Variants in RAB41 observed in about 807,000 individuals in gnomAD.
RAB41 encodes the protein ras-related protein Rab-41.
Under a neutral mutation model 19.0 loss-of-function variants are expected in RAB41, and 15 were observed. The ratio of observed to expected loss-of-function variants is 0.79; its 90% confidence interval spans 0.53 to 1.21. The LOEUF (loss-of-function observed/expected upper bound fraction) is 1.21, where lower values mean the gene tolerates loss of function less well. Among genes scored for constraint, RAB41 ranks in the 50% most tolerant of loss-of-function variants. The pLI, the probability that RAB41 is intolerant of heterozygous loss-of-function variation, is 0.00. For synonymous variants in RAB41, 73 were observed against 64.7 expected, an observed-to-expected ratio of 1.13 and a Z score of -0.62; for missense variants, 177 against 179.7, an observed-to-expected ratio of 0.99 and a Z score of 0.09.
Position 70,282,537 on chromosome X carries a change from G to T in RAB41, c.129G>T (p.Gly43=). ...GCCTGCTTATCTCCCTCACAGTAGG[G>T]AAGACATCCATCATCAGCCGCTTCA... ...KLLFLGEQSV[G]KTSIISRFMY... Residue 43 remains glycine, a synonymous_variant, in exon 2 of 8, where the codon GGG becomes GGT. Transcript: ENST00000374473. The T allele has an allele frequency of 8.3e-7, 1 of 1,210,991 alleles. No individual in the cohort carries two copies. The highest frequency in any genetic ancestry group is 1.1e-6 in the Non-Finnish European group (1 of 894,934).
At chrX:70,282,436 G>A in intron 1 of RAB41, 95 bp downstream of exon 1, 6 of 1,171,767 alleles carry the variant, frequency 5.1e-6, no homozygotes, top group Non-Finnish European at 4.6e-6. Flanking sequence ...TCCTCGTTGG[G>A]AAAGATTGGA....
chrX:70,283,800 G>A (rs1569224666), intron 5 of RAB41, 150 bp from the exon 6 acceptor site: 1 of 521,244 alleles, frequency 1.9e-6, no homozygotes, highest in East Asian at 3.6e-5. Context: ...TATGTTGGGG[G>A]TATAGGAGAG....
chrX:70,282,619 C>T lies in RAB41; in HGVS notation c.183+28C>T, dbSNP rs751138387. 7 of 1,184,529 alleles carry T rather than the reference C, an allele frequency of 5.9e-6. No individual in the cohort carries two copies. The South Asian group carries it at 1.2e-4, about 21-fold the overall frequency. Reference sequence around the variant, plus strand: ...AAGACCACCACCGAGTCATATGGTACATTTTTGCCACTCTTCTTGGCGGAC... The same window carrying T: ...AAGACCACCACCGAGTCATATGGTATATTTTTGCCACTCTTCTTGGCGGAC... On this transcript the variant is annotated intron_variant, in intron 2 of 7. Transcript: ENST00000374473.
rs748823170 is a variant in RAB41 at position 70,284,250 on chromosome X, TCA to T, written c.550-3_550-2del. 59 of 1,067,754 alleles carry T rather than the reference TCA, an allele frequency of 5.5e-5. No individual in the cohort carries two copies. Among genetic ancestry groups the T allele is most frequent in the Admixed American group, 4.1e-4 (16 of 39,019 alleles). 88.0% of individuals were successfully genotyped at this position (1,067,754 alleles called of 1,213,427 possible). The stretch of plus-strand genomic sequence containing the variant: ...CCCTTTTTTTTTTTTTGGTCCCCAT[TCA>T]CACACACACACAGCTGTTCCGGCGT... On this transcript the variant is annotated splice_polypyrimidine_tract_variant and intron_variant, in intron 6 of 7. Transcript: ENST00000374473.
In RAB41 at chrX:70,284,006, T is replaced by C; in HGVS notation, c.512T>C (p.Ile171Thr). ...EKSRNLNVMF[I>T]ETSAKTGYNV... ...TCCAGAAACCTCAATGTGATGTTTA[T>C]TGAGACCAGTGCCAAAACCGGTTAC... is the stretch of plus-strand genomic sequence containing the variant. The change falls in exon 6 of 8, where the codon ATT (isoleucine) becomes ACT (threonine). Residue 171 changes from isoleucine (I) to threonine (T), a missense_variant. Transcript: ENST00000374473. The C allele has an allele frequency of 8.3e-7, 1 of 1,206,904 alleles. No homozygotes were observed. The highest frequency in any genetic ancestry group is 1.1e-6 in the Non-Finnish European group (1 of 891,011).
In RAB41 at chrX:70,283,957, A is replaced by G; in HGVS notation, c.463A>G (p.Thr155Ala). ...KIDLDNKRQVTAEQGEEKSRN... is the reference protein window; with the variant it reads ...KIDLDNKRQVAAEQGEEKSRN... ...CATTTCTGATTCGTCCAGACAAGTC[A>G]CTGCAGAACAGGGTGAAGAAAAATC... is the stretch of plus-strand genomic sequence containing the variant. The change falls in exon 6 of 8, where the codon ACT becomes GCT. Residue 155 changes from threonine (T) to alanine (A), a missense_variant. Transcript: ENST00000374473. 8.3e-7 allele frequency: 1 copy of G among 1,199,512 alleles called. No homozygotes were observed. Among genetic ancestry groups the G allele is most frequent in the Non-Finnish European group, 1.1e-6 (1 of 884,521 alleles).
Position 70,284,316 on chromosome X carries a change from A to C in RAB41, c.600A>C (p.Pro200=). 8.3e-7 allele frequency: 1 copy of C among 1,203,240 alleles called. No individual in the cohort carries two copies. The highest frequency in any genetic ancestry group is 1.1e-6 in the Non-Finnish European group (1 of 892,597). Residue 200 remains proline, a synonymous_variant, in exon 7 of 8, where the codon CCA becomes CCC. Coordinates refer to ENST00000374473, the MANE Select transcript of RAB41 (RefSeq NM_001363807.1). ...TTCTTTCCACAAGGACTTCACCTCC[A>C]CCAAAAGAGGGGAGTATCCTTTTTC... ...SALLSTRTSP[P]PKEGTVEIEL... is the part of the protein sequence containing the mutation.
chrX:70,282,806 C>T lies in RAB41; in HGVS notation c.188C>T (p.Thr63Ile). The part of the protein sequence containing the change: ...YNSFGCACQA[T>I]VGIDFLSKTM... ...GTATCTGATTTTCTTTTGCAGGCAA[C>T]TGTTGGAATTGACTTCTTGTCTAAG... The change falls in exon 3 of 8, where the codon ACT becomes ATT. Residue 63 changes from threonine (T) to isoleucine (I), a missense_variant. By Grantham distance (89) the Thr-to-Ile change is moderately conservative (BLOSUM62 -1). Transcript: ENST00000374473. 1 of 1,210,144 alleles carries T rather than the reference C, an allele frequency of 8.3e-7. No homozygotes were observed. Among genetic ancestry groups the T allele is most frequent in the Non-Finnish European group, 1.1e-6 (1 of 893,928 alleles).
rs988454824 is a variant in RAB41, at chrX:70,283,826, G to T, written c.456-124G>T. On this transcript the variant is annotated intron_variant, in intron 5 of 7. Transcript: ENST00000374473. Reference sequence around the variant, plus strand: ...TATAGGAGAGAGTCCCCACCCTGTAGTCAGAAGGGTCATGGGTTTAAGGCT... The same window carrying T: ...TATAGGAGAGAGTCCCCACCCTGTATTCAGAAGGGTCATGGGTTTAAGGCT... 9.2e-6 allele frequency: 5 copies of T among 544,740 alleles called. No individual in the cohort carries two copies. In the African/African-American group the frequency reaches 9.4e-5, roughly 10 times the overall value. 44.9% of individuals were successfully genotyped at this position (544,740 alleles called of 1,213,427 possible).
chrX:70,282,995 C>T (rs2085697156), intron 3 of RAB41, 140 bp downstream of exon 3: 1 of 534,977 alleles, frequency 1.9e-6, no homozygotes, highest in Non-Finnish European at 3.2e-6. Flanking sequence ...TGTCTGCCTT[C>T]ATCTAATCTC....
chrX:70,283,230 A>G (rs758512937), intron 3 of RAB41, 38 bp from the exon 4 acceptor site: 3 of 1,102,827 alleles, frequency 2.7e-6, no homozygotes, highest in Non-Finnish European at 3.8e-6. Flanking sequence ...TTTCTTGTCT[A>G]CCTTTCCCCC....
chrX:70,284,342 C>A lies in RAB41; in HGVS notation c.613+13C>A, dbSNP rs779479945. 8.3e-7 allele frequency: 1 copy of A among 1,202,346 alleles called. No individual in the cohort carries two copies. The highest frequency in any genetic ancestry group is 3.0e-5 in the East Asian group (1 of 33,778). On this transcript the variant is annotated intron_variant, in intron 7 of 7. Coordinates refer to ENST00000374473, the MANE Select transcript of RAB41 (RefSeq NM_001363807.1). Reference sequence around the variant, plus strand: ...CCAAAAGAGGGGAGTATCCTTTTTCCTAGCTTTGCTGGGGTAGGGAGTATA... The same window carrying A: ...CCAAAAGAGGGGAGTATCCTTTTTCATAGCTTTGCTGGGGTAGGGAGTATA...
At chrX:70,284,227 C>CGTTTT (rs1555942462) in intron 6 of RAB41, 39 bp from the exon 7 acceptor site, 2 of 923,353 alleles carry the variant, frequency 2.2e-6, no homozygotes, top group Non-Finnish European at 1.5e-6. Context: ...TTTTTTTCCC[C>CGTTTT]TTTTTTTTTT....
At chrX:70,283,810 G>A (rs1454529423) in intron 5 of RAB41, 140 bp from the exon 6 acceptor site, 1 of 529,597 alleles carries the variant, frequency 1.9e-6, no homozygotes, top group African/African-American at 2.3e-5. Context: ...GTATAGGAGA[G>A]AGTCCCCACC....
intron 3 of RAB41, among the ~76,000 whole-genome samples, 163 bp downstream of exon 3, chrX:70,283,018 A>AC (rs2085697302): frequency 8.9e-6 from 1 of 112,382 alleles, no homozygotes; most frequent in African/African-American, 3.2e-5. Flanking sequence ...ACTGTAACAT[A>AC]AAGTCCAAGA....
rs1403821817 is a variant in RAB41, at chrX:70,282,605, C to T, written c.183+14C>T. On this transcript the variant is annotated intron_variant, in intron 2 of 7. Coordinates refer to ENST00000374473, the MANE Select transcript of RAB41 (RefSeq NM_001363807.1). ...TGCGCCTGCCAGGTAAGACCACCAC[C>T]GAGTCATATGGTACATTTTTGCCAC... 5 of 1,199,131 alleles carry T rather than the reference C, an allele frequency of 4.2e-6. No homozygotes were observed. The highest frequency in any genetic ancestry group is 3.5e-5 in the South Asian group (2 of 56,417).
chrX:70,284,213 CT>C (rs376731795), intron 6 of RAB41, 52 bp from the exon 7 acceptor site: 21,590 of 781,590 alleles, frequency 0.028, 52 homozygotes, highest in Non-Finnish European at 0.03. Flanking sequence ...TGAACCTGAC[CT>C]TTTTTTTTTC....
Position 70,282,782 on chromosome X carries a change from T to C in RAB41, c.184-20T>C. The C allele has an allele frequency of 8.3e-7, 1 of 1,206,298 alleles. No homozygotes were observed. Among genetic ancestry groups the C allele is most frequent in the African/African-American group, 1.7e-5 (1 of 57,714 alleles). On this transcript the variant is annotated intron_variant, in intron 2 of 7. Transcript: ENST00000374473. ...TGGGAATAGAGGGAATGCTGGAGTG[T>C]ATCTGATTTTCTTTTGCAGGCAACT... is the stretch of plus-strand genomic sequence containing the variant.
In RAB41 at chrX:70,282,540, G is replaced by T. The variant is rs371894275; in HGVS notation, c.132G>T (p.Lys44Asn). Reference sequence around the variant, plus strand: ...TGCTTATCTCCCTCACAGTAGGGAAGACATCCATCATCAGCCGCTTCATGT... The same window carrying T: ...TGCTTATCTCCCTCACAGTAGGGAATACATCCATCATCAGCCGCTTCATGT... Reference protein sequence around the residue: ...LLFLGEQSVGKTSIISRFMYN... With the variant: ...LLFLGEQSVGNTSIISRFMYN... Residue 44 changes from lysine (K) to asparagine (N), a missense_variant, in exon 2 of 8, where the codon AAG becomes AAT. Coordinates refer to ENST00000374473, the MANE Select transcript of RAB41 (RefSeq NM_001363807.1). The T allele has an allele frequency of 4.1e-6, 5 of 1,211,053 alleles. No individual in the cohort carries two copies. In the African/African-American group the frequency reaches 8.7e-5, roughly 21 times the overall value.
Sources: gnomAD v4.1 joint callset for allele counts (sites outside exome capture counted in the v4.1 genomes callset) on GRCh38, gnomAD v4.1.1 for gene constraint, MANE v1.5 for transcripts, NCBI Gene and HGNC (gene_info 2026-07-23, HGNC 2026-07-21) for gene names.